PARVA: variants seen among roughly 807,000 people sequenced by gnomAD.
PARVA encodes parvin alpha.
Under a neutral mutation model 52.6 loss-of-function variants are expected in PARVA, and 25 were observed. The observed-to-expected ratio is 0.48, with a 90% CI of 0.35 to 0.66. The LOEUF (loss-of-function observed/expected upper bound fraction) is 0.66. PARVA is among the 30% of genes least tolerant of loss of function. PARVA has a pLI of 0.01. For synonymous variants in PARVA, 185 were observed against 179.1 expected, an observed-to-expected ratio of 1.03 and a Z score of -0.26; for missense variants, 373 against 450.9, an observed-to-expected ratio of 0.83 and a Z score of 1.56.
At chr11:12,392,850 T>A (rs557430109) in intron 1 of PARVA, among the ~76,000 whole-genome samples, 1 of 151,996 alleles carries the variant, frequency 6.6e-6, no homozygotes, top group South Asian at 2.1e-4. Context: ...ACACTGGATC[T>A]CCTTCACTCA....
chr11:12,472,407 TAGTC>T (rs1940945997), intron 1 of PARVA, among the ~76,000 whole-genome samples: 4 of 152,206 alleles, frequency 2.6e-5, no homozygotes, highest in Non-Finnish European at 5.9e-5. Flanking sequence ...TTCTATGAAA[TAGTC>T]GGTGTCTGTG....
At chr11:12,515,921 C>CA (rs1941562058) in intron 10 of PARVA, among the ~76,000 whole-genome samples, 1 of 152,212 alleles carries the variant, frequency 6.6e-6, no homozygotes, top group Non-Finnish European at 1.5e-5. Flanking sequence ...ACTGCATCCT[C>CA]AACTTCCCAG....
At chr11:12,513,244 C>T (rs1256488850) in intron 8 of PARVA, 55 bp from the exon 9 acceptor site, 31 of 1,545,942 alleles carry the variant, frequency 2.0e-5, no homozygotes, top group Middle Eastern at 3.3e-4. Flanking sequence ...CCAAGGTGGG[C>T]TTCCCTGCCA....
intron 1 of PARVA, among the ~76,000 whole-genome samples, chr11:12,418,488 G>A (rs12291439): frequency 6.6e-6 from 1 of 152,168 alleles, no homozygotes; most frequent in East Asian, 1.9e-4. Context: ...GGAGGACGAA[G>A]ACAGTTGGGA....
At chr11:12,383,602 C>G (rs1389676443) in intron 1 of PARVA, among the ~76,000 whole-genome samples, 2 of 152,148 alleles carry the variant, frequency 1.3e-5, no homozygotes, top group Non-Finnish European at 2.9e-5. Flanking sequence ...TGAGTAGAAC[C>G]CTTAGCACTG....
intron 4 of PARVA, among the ~76,000 whole-genome samples, chr11:12,481,761 G>A (rs1223928045): frequency 2.0e-5 from 3 of 152,158 alleles, no homozygotes; most frequent in African/African-American, 7.2e-5. Flanking sequence ...GCAGCGAGCT[G>A]GAGGGGTCTG....
At chr11:12,461,887 G>T (rs556075805) in intron 1 of PARVA, among the ~76,000 whole-genome samples, 1 of 151,362 alleles carries the variant, frequency 6.6e-6, no homozygotes, top group South Asian at 2.1e-4. Flanking sequence ...TGTCAACCTC[G>T]GTGACTAGAC....
chr11:12,452,097 G>A lies in PARVA; in HGVS notation c.137-21648G>A, dbSNP rs140031850. ...AGCAGGGTGCAGATGAACTGGTCCC[G>A]GCACCTGAGCAATCCATTTAGCCCA... On this transcript the variant is annotated intron_variant, in intron 1 of 12. Transcript: ENST00000334956. Among the ~76,000 whole-genome samples the A allele has an allele frequency of 3.3e-3, 496 of 151,956 alleles. 5 individuals are homozygous for A. Among genetic ancestry groups the A allele is most frequent in the Middle Eastern group, 0.014 (4 of 294 alleles).
At position 12,527,899 on chromosome 11, in the gene PARVA, T is replaced by C; in HGVS notation, c.1093T>C (p.Phe365Leu). The C allele has an allele frequency of 6.2e-7, 1 of 1,613,112 alleles. No individual in the cohort carries two copies. Among genetic ancestry groups the C allele is most frequent in the Non-Finnish European group, 8.5e-7 (1 of 1,179,568 alleles). ...KSTLRVLYNL[F>L]TKYRNVE ...TACACTACGAGTGTTGTACAACCTC[T>C]TCACCAAGTACCGTAACGTGGAGTG... The change falls in exon 13 of 13, where the codon TTC becomes CTC. Residue 365 changes from phenylalanine (F) to leucine (L), a missense_variant. Physicochemically the swap from Phe to Leu is conservative, Grantham distance 22. Coordinates refer to ENST00000334956, the MANE Select transcript of PARVA (RefSeq NM_018222.5).
chr11:12,493,297 A>T (rs1204230727), intron 4 of PARVA, among the ~76,000 whole-genome samples: 1 of 151,780 alleles, frequency 6.6e-6, no homozygotes, highest in South Asian at 2.1e-4. Context: ...CAGAGGTTGC[A>T]GTAAGCTGAG....
chr11:12,503,229 C>T (rs1208720195), intron 5 of PARVA, among the ~76,000 whole-genome samples: 1 of 152,190 alleles, frequency 6.6e-6, no homozygotes, highest in Non-Finnish European at 1.5e-5. Flanking sequence ...ATGTCTCTCT[C>T]ATGGCTTCTT....
At chr11:12,521,897 G>A (rs1941641255) in intron 12 of PARVA, among the ~76,000 whole-genome samples, 1 of 152,148 alleles carries the variant, frequency 6.6e-6, no homozygotes, top group African/African-American at 2.4e-5. Context: ...CACTTGGAAA[G>A]AACAAGTGTA....
At chr11:12,463,960 G>A (rs886345399) in intron 1 of PARVA, among the ~76,000 whole-genome samples, 9 of 143,936 alleles carry the variant, frequency 6.3e-5, no homozygotes, top group Non-Finnish European at 3.0e-5. Context: ...GCTCCTGTGA[G>A]CCTCTGACAT....
In PARVA at chr11:12,534,716, C is replaced by T. The variant is rs969022508; in HGVS notation, c.*6791C>T. On this transcript the variant is annotated 3_prime_UTR_variant, in exon 13 of 13. Coordinates refer to ENST00000334956, the MANE Select transcript of PARVA (RefSeq NM_018222.5). ...AAATATTTAATCTGTTACATGTTTG[C>T]TCTGTGTGGAGCCAGGGTTGGGGCT... is the stretch of plus-strand genomic sequence containing the variant. Among the ~76,000 whole-genome samples, 1 of 152,158 alleles carries T rather than the reference C, an allele frequency of 6.6e-6. No homozygotes were observed. Among genetic ancestry groups the T allele is most frequent in the Non-Finnish European group, 1.5e-5 (1 of 68,024 alleles).
At chr11:12,465,199 T>C (rs1288529128) in intron 1 of PARVA, among the ~76,000 whole-genome samples, 2 of 151,984 alleles carry the variant, frequency 1.3e-5, no homozygotes, top group African/African-American at 4.8e-5. Flanking sequence ...ATTAATGGAT[T>C]AATGAGTTAT....
intron 5 of PARVA, among the ~76,000 whole-genome samples, chr11:12,499,668 A>G (rs1163333630): frequency 1.3e-5 from 2 of 152,188 alleles, no homozygotes; most frequent in African/African-American, 2.4e-5. Flanking sequence ...AGAGGTTAAG[A>G]AACTATGAAG....
intron 1 of PARVA, among the ~76,000 whole-genome samples, chr11:12,471,033 G>C (rs1228702086): frequency 6.6e-6 from 1 of 152,238 alleles, no homozygotes; most frequent in African/African-American, 2.4e-5. Flanking sequence ...ATACTTGCCA[G>C]TGTTTTGGAC....
chr11:12,382,505 C>T (rs1041814510), intron 1 of PARVA, among the ~76,000 whole-genome samples: 4 of 151,788 alleles, frequency 2.6e-5, no homozygotes, highest in Non-Finnish European at 4.4e-5. Flanking sequence ...AGTGGACCCT[C>T]GCAGTTCAAA....
Position 12,534,504 on chromosome 11 carries a change from C to G in PARVA, c.*6579C>G, listed in dbSNP as rs1456633949. ...GCACTTGGGAAATTCAGAGAAGTAC[C>G]CATTATTAAGATAAATGATGTTTTA... On this transcript the variant is annotated 3_prime_UTR_variant, in exon 13 of 13. Coordinates refer to ENST00000334956, the MANE Select transcript of PARVA (RefSeq NM_018222.5). Among the ~76,000 whole-genome samples, 1 of 152,124 alleles carries G rather than the reference C, an allele frequency of 6.6e-6. No individual in the cohort carries two copies. Among genetic ancestry groups the G allele is most frequent in the African/African-American group, 2.4e-5 (1 of 41,408 alleles).
Sources: gnomAD v4.1 joint callset for allele counts (sites outside exome capture counted in the v4.1 genomes callset) on GRCh38, gnomAD v4.1.1 for gene constraint, MANE v1.5 for transcripts, NCBI Gene and HGNC (gene_info 2026-07-23, HGNC 2026-07-21) for gene names.